The following GK variants were observed in gnomAD, a reference collection of about 807,000 sequenced individuals.
The protein encoded by GK is glycerol kinase.
A neutral mutation model predicts 56.4 loss-of-function variants in GK; 9 were observed. That is an observed-to-expected ratio of 0.16 (90% CI 0.10 to 0.28). The LOEUF is 0.28. Among genes scored for constraint, GK ranks in the 10% least tolerant of loss-of-function variants. The pLI, the probability that GK is intolerant of heterozygous loss-of-function variation, is 1.00. For missense variants in GK, 161 were observed against 431.4 expected (o/e 0.37, Z 5.55); for synonymous variants, 104 against 144.1 (o/e 0.72, Z 1.99).
intron 3 of GK, among the ~76,000 whole-genome samples, chrX:30,669,016 C>T (rs1481526069): frequency 2.7e-5 from 3 of 110,406 alleles, no homozygotes. Context: ...TTTGCCAGAG[C>T]TCCTGGATAG....
At chrX:30,722,725 G>A (rs762181623) in intron 18 of GK, among the ~76,000 whole-genome samples, 3 of 111,514 alleles carry the variant, frequency 2.7e-5, no homozygotes, top group South Asian at 7.5e-4. Context: ...GAGTATATTG[G>A]GAGCAGAAGA....
intron 3 of GK, among the ~76,000 whole-genome samples, chrX:30,673,719 A>T (rs1933695553): frequency 1.8e-5 from 2 of 111,978 alleles, no homozygotes; most frequent in Admixed American, 9.6e-5. Flanking sequence ...GAAGAATCAG[A>T]TTGAAATAGC....
intron 19 of GK, 113 bp downstream of exon 19, chrX:30,724,294 T>C: frequency 1.9e-6 from 1 of 513,278 alleles, no homozygotes; most frequent in South Asian, 2.8e-5. Flanking sequence ...CATTATCATA[T>C]GTCCAGAGAT....
chrX:30,727,392 A>G, intron 19 of GK, 74 bp from the exon 20 acceptor site: 1 of 613,414 alleles, frequency 1.6e-6, no homozygotes, highest in South Asian at 2.4e-5. Context: ...GTGATTCTTA[A>G]CACAAATATT....
At chrX:30,677,306 C>G in intron 3 of GK, 69 bp from the exon 4 acceptor site, 1 of 591,147 alleles carries the variant, frequency 1.7e-6, no homozygotes, top group Non-Finnish European at 3.0e-6. Context: ...AAGATGAGAG[C>G]TGTTTTCCTG....
chrX:30,718,224 C>T (rs1936725282), intron 13 of GK, among the ~76,000 whole-genome samples: 1 of 111,904 alleles, frequency 8.9e-6, no homozygotes, highest in South Asian at 3.7e-4. Context: ...TAAGTGATAA[C>T]ATACCTCAGT....
intron 13 of GK, among the ~76,000 whole-genome samples, chrX:30,710,864 G>A: frequency 9.0e-6 from 1 of 110,945 alleles, no homozygotes; most frequent in Middle Eastern, 4.7e-3. Flanking sequence ...AAGAGTGTAT[G>A]TCATTTTTTG....
chrX:30,668,303 G>A (rs1004198321), intron 3 of GK, among the ~76,000 whole-genome samples, 185 bp downstream of exon 3: 2 of 112,409 alleles, frequency 1.8e-5, no homozygotes, highest in African/African-American at 6.4e-5. Flanking sequence ...GGATGGGGGC[G>A]AGATAATAAG....
At chrX:30,711,340 T>C (rs1178733168) in intron 13 of GK, among the ~76,000 whole-genome samples, 1 of 111,655 alleles carries the variant, frequency 9.0e-6, no homozygotes, top group African/African-American at 3.3e-5. Context: ...TTGTAGATAA[T>C]CTGGTTTATT....
intron 7 of GK, 56 bp downstream of exon 7, chrX:30,696,207 C>A: frequency 1.5e-6 from 1 of 662,447 alleles, no homozygotes; most frequent in East Asian, 3.4e-5. Flanking sequence ...TATTTATAAC[C>A]GAAATCTTAA....
Position 30,697,757 on chromosome X carries a change from G to A in GK, c.747+8G>A, listed in dbSNP as rs756927304. 2 of 1,156,780 alleles carry A rather than the reference G, an allele frequency of 1.7e-6. No individual in the cohort carries two copies. The highest frequency in any genetic ancestry group is 2.2e-5 in the Admixed American group (1 of 45,835). On this transcript the variant is annotated splice_region_variant and intron_variant, in intron 9 of 20. Transcript: ENST00000427190. ...AAAATCTCTCATAGCGTGGTGAGTA[G>A]GTTGCCCGCCAATTATGTACCCATT...
At chrX:30,685,369 G>C (rs1003601469) in intron 4 of GK, among the ~76,000 whole-genome samples, 7 of 111,779 alleles carry the variant, frequency 6.3e-5, no homozygotes, top group Non-Finnish European at 1.3e-4. Context: ...TCCTGACCTC[G>C]TGATCCGCCG....
At chrX:30,728,576 G>A (rs1045998944) in intron 20 of GK, among the ~76,000 whole-genome samples, 156 bp from the exon 21 acceptor site, 1 of 111,973 alleles carries the variant, frequency 8.9e-6, no homozygotes, top group Admixed American at 9.5e-5. Flanking sequence ...GTTAATTTTG[G>A]AATTGGCCCT....
chrX:30,721,021 G>C (rs767233015), intron 18 of GK, 26 bp downstream of exon 18: 2 of 1,189,290 alleles, frequency 1.7e-6, no homozygotes, highest in South Asian at 3.6e-5. Context: ...GAAATGTTCA[G>C]TGATATACTG....
chrX:30,694,511 G>A lies in GK; in HGVS notation c.526G>A (p.Gly176Arg). 8.3e-7 allele frequency: 1 copy of A among 1,206,674 alleles called. No homozygotes were observed. Among genetic ancestry groups the A allele is most frequent in the Non-Finnish European group, 1.1e-6 (1 of 890,943 alleles). Reference sequence around the variant, plus strand: ...CGTTGAAGAAAAACGAGCTCTTTTTGGGACTATTGATTCATGGCTTATTTG... The same window carrying A: ...CGTTGAAGAAAAACGAGCTCTTTTTAGGACTATTGATTCATGGCTTATTTG... ...KAVEEKRALF[G>R]TIDSWLIWSL... The change falls in exon 6 of 21, where the codon GGG becomes AGG. Residue 176 changes from glycine (G) to arginine (R), a missense_variant. Gly to Arg is a moderately radical substitution (Grantham distance 125, BLOSUM62 -2). Transcript: ENST00000427190.
intron 8 of GK, among the ~76,000 whole-genome samples, chrX:30,697,075 A>T (rs2147206139): frequency 8.9e-6 from 1 of 112,827 alleles, no homozygotes; most frequent in African/African-American, 3.2e-5. Context: ...AAGCTATGTT[A>T]TATATTAGAT....
intron 3 of GK, among the ~76,000 whole-genome samples, chrX:30,673,854 A>G (rs1933704352): frequency 9.0e-6 from 1 of 111,730 alleles, no homozygotes; most frequent in Non-Finnish European, 1.9e-5. Flanking sequence ...TAAAATTAAC[A>G]TAGTGAGGAG....
chrX:30,682,732 T>C (rs141436153), intron 4 of GK, among the ~76,000 whole-genome samples: 6 of 112,070 alleles, frequency 5.4e-5, no homozygotes, highest in African/African-American at 1.9e-4. Flanking sequence ...TCTGTCTCGG[T>C]TCAGGCTGCT....
intron 11 of GK, among the ~76,000 whole-genome samples, chrX:30,703,599 C>T (rs941812204): frequency 9.0e-6 from 1 of 111,599 alleles, no homozygotes; most frequent in African/African-American, 3.3e-5. Flanking sequence ...CTGTTCAGAG[C>T]GTGTTTGTGG....
Sources: allele counts gnomAD v4.1 joint callset (sites outside exome capture counted in the v4.1 genomes callset), GRCh38; gene constraint gnomAD v4.1.1; transcripts MANE v1.5; gene names NCBI Gene and HGNC (gene_info 2026-07-23, HGNC 2026-07-21).